Variants in PCDH9 observed in about 807,000 individuals in gnomAD.
PCDH9 encodes the protein protocadherin 9.
PCDH9 carries 24 observed loss-of-function variants against 70.6 expected under a neutral mutation model. The ratio of observed to expected loss-of-function variants is 0.34; its 90% CI spans 0.25 to 0.48. The LOEUF is 0.48. Ranked by LOEUF, PCDH9 falls within the 20% of genes least tolerant of loss-of-function variation. PCDH9 has a pLI of 0.99. For synonymous variants in PCDH9, 562 were observed against 558.5 expected, an observed-to-expected ratio of 1.01 and a Z score of -0.09; for missense variants, 1,281 against 1,503.6, an observed-to-expected ratio of 0.85 and a Z score of 2.45.
intron 2 of PCDH9, among the ~76,000 whole-genome samples, chr13:67,126,665 A>T (rs1460591563): frequency 1.3e-5 from 2 of 152,174 alleles, no homozygotes; most frequent in African/African-American, 4.8e-5. Flanking sequence ...CCTAGCCAAC[A>T]TGGTGAAACC....
chr13:67,012,868 G>A (rs576392178), intron 2 of PCDH9, among the ~76,000 whole-genome samples: 20 of 152,006 alleles, frequency 1.3e-4, no homozygotes, highest in South Asian at 8.3e-4. Flanking sequence ...CAATTGTAGC[G>A]GACCTAAGTG....
At chr13:67,204,699 T>C (rs1418086079) in intron 2 of PCDH9, 1 of 152,178 alleles carries the variant, frequency 6.6e-6, no homozygotes, top group Non-Finnish European at 1.5e-5. Flanking sequence ...ACATCCAGAA[T>C]GTCAATGCAA....
At chr13:66,639,796 G>A (rs921554518) in intron 3 of PCDH9, among the ~76,000 whole-genome samples, 5 of 152,098 alleles carry the variant, frequency 3.3e-5, no homozygotes, top group Non-Finnish European at 7.4e-5. Context: ...TGCATTGTTG[G>A]TGATTTGCTT....
At chr13:67,092,752 G>C (rs1484765554) in intron 2 of PCDH9, among the ~76,000 whole-genome samples, 1 of 152,102 alleles carries the variant, frequency 6.6e-6, no homozygotes, top group Non-Finnish European at 1.5e-5. Flanking sequence ...AAATATCCTA[G>C]GAACCAGAGA....
rs569543233 is a variant in PCDH9, at chr13:66,510,655, C to T, written c.3340+120555G>A. The stretch of plus-strand genomic sequence containing the variant: ...GATAGTTTGCTGAGAATGATGGTTT[C>T]CAGCTTCATCCATGTCCCTACAAAG... On this transcript the variant is annotated intron_variant, in intron 4 of 4. Coordinates refer to ENST00000377865, the MANE Select transcript of PCDH9 (RefSeq NM_203487.3). Among the ~76,000 whole-genome samples the T allele has an allele frequency of 3.3e-5, 5 of 152,214 alleles. No individual in the cohort carries two copies. The East Asian group carries it at 9.7e-4, about 29-fold the overall frequency.
At chr13:66,862,121 G>T (rs2081494199) in intron 3 of PCDH9, among the ~76,000 whole-genome samples, 1 of 152,126 alleles carries the variant, frequency 6.6e-6, no homozygotes, top group African/African-American at 2.4e-5. Context: ...TAGCAGCATG[G>T]CTCTGTTACC....
chr13:66,633,772 A>G (rs1566470970), intron 3 of PCDH9, among the ~76,000 whole-genome samples: 1 of 152,014 alleles, frequency 6.6e-6, no homozygotes, highest in Non-Finnish European at 1.5e-5. Flanking sequence ...TTTGAAAGAC[A>G]GAAGTAAAAA....
chr13:66,468,872 C>T, intron 4 of PCDH9, among the ~76,000 whole-genome samples: 1 of 152,016 alleles, frequency 6.6e-6, no homozygotes, highest in Non-Finnish European at 1.5e-5. Flanking sequence ...CTTGAAGTTA[C>T]AGTCATGTCC....
At chr13:67,221,376 A>G (rs2089720975) in intron 2 of PCDH9, 1 of 152,112 alleles carries the variant, frequency 6.6e-6, no homozygotes, top group Non-Finnish European at 1.5e-5. Context: ...TAGTATCTCT[A>G]AATGGTTTGG....
chr13:66,739,103 T>C (rs1445038126), intron 3 of PCDH9, among the ~76,000 whole-genome samples: 31 of 139,438 alleles, frequency 2.2e-4, no homozygotes, highest in Non-Finnish European at 3.3e-4. Context: ...AAGGTCGGGT[T>C]ACCCTCAAAG....
intron 4 of PCDH9, among the ~76,000 whole-genome samples, chr13:66,310,726 C>T (rs1019749709): frequency 1.3e-4 from 20 of 151,762 alleles, no homozygotes; most frequent in African/African-American, 4.4e-4. Flanking sequence ...AAGTTTAAAC[C>T]GACTGCCAAA....
chr13:66,357,443 T>C (rs1956402746), intron 4 of PCDH9, among the ~76,000 whole-genome samples: 2 of 152,052 alleles, frequency 1.3e-5, no homozygotes, highest in South Asian at 4.1e-4. Context: ...AGGGAGTGCA[T>C]TGCCTACACT....
intron 2 of PCDH9, among the ~76,000 whole-genome samples, chr13:67,068,149 G>A (rs2085688173): frequency 6.6e-6 from 1 of 151,934 alleles, no homozygotes; most frequent in Non-Finnish European, 1.5e-5. Flanking sequence ...AATAAGATCA[G>A]CATATATCAA....
intron 2 of PCDH9, chr13:67,218,146 CT>C (rs1235652181): frequency 6.6e-6 from 1 of 152,024 alleles, no homozygotes; most frequent in Non-Finnish European, 1.5e-5. Context: ...TAAAACCCCA[CT>C]TAATTTTCAG....
intron 2 of PCDH9, among the ~76,000 whole-genome samples, chr13:67,118,095 A>G (rs1298666584): frequency 2.6e-5 from 4 of 152,172 alleles, no homozygotes; most frequent in Non-Finnish European, 4.4e-5. Flanking sequence ...GGCAATGTTA[A>G]GTCATTTCAA....
intron 2 of PCDH9, among the ~76,000 whole-genome samples, chr13:67,151,943 T>C: frequency 6.6e-6 from 1 of 152,160 alleles, no homozygotes; most frequent in East Asian, 1.9e-4. Flanking sequence ...TTTTTTTTTG[T>C]TACAAGACTA....
At chr13:66,920,855 A>G (rs1372299962) in intron 2 of PCDH9, among the ~76,000 whole-genome samples, 1 of 151,184 alleles carries the variant, frequency 6.6e-6, no homozygotes, top group African/African-American at 2.4e-5. Context: ...AGCTTCCTGA[A>G]TGTTTGTATA....
At chr13:66,448,038 T>C (rs1323105203) in intron 4 of PCDH9, among the ~76,000 whole-genome samples, 15 of 152,124 alleles carry the variant, frequency 9.9e-5, no homozygotes, top group Admixed American at 7.2e-4. Flanking sequence ...TAGTTCCTAA[T>C]TGGGTAATAT....
rs1313632174 is a variant in PCDH9, at chr13:66,932,681, T to TATATATAC, written c.3037-29077_3037-29076insGTATATAT. On this transcript the variant is annotated intron_variant, in intron 2 of 4. Transcript: ENST00000377865. ...TCACATATATATATATATATATATA[T>TATATATAC]ACACACACACACACGTATGTATATA... Among the ~76,000 whole-genome samples, 320 of 114,830 alleles carry TATATATAC rather than the reference T, an allele frequency of 2.8e-3. 2 individuals carry two copies. The highest frequency in any genetic ancestry group is 0.01 in the African/African-American group (299 of 29,246). The allele number at this position is 114,830 out of a possible 152,430, so 75.3% of individuals were successfully genotyped here. A position where few individuals can be genotyped will look rare whatever the true frequency, so the allele number is the denominator to read the frequency against.
Sources: gnomAD v4.1 joint callset for allele counts (sites outside exome capture counted in the v4.1 genomes callset) on GRCh38, gnomAD v4.1.1 for gene constraint, MANE v1.5 for transcripts, NCBI Gene and HGNC (gene_info 2026-07-23, HGNC 2026-07-21) for gene names.